Variants in DDX17 observed in about 807,000 individuals in gnomAD.
DDX17 encodes probable ATP-dependent RNA helicase DDX17.
In DDX17, 10 loss-of-function variants were observed where a neutral mutation model predicts 80.8. The observed-to-expected ratio is 0.12, with a 90% CI of 0.08 to 0.21. DDX17 has a LOEUF of 0.21. DDX17 is among the 10% of genes least tolerant of loss of function. The probability of loss-of-function intolerance (pLI) is 1.00; values close to 1 mark genes in which losing one functional copy is unlikely to be tolerated. For synonymous variants in DDX17, 339 were observed against 336.2 expected, an observed-to-expected ratio of 1.01 and a Z score of -0.09; for missense variants, 586 against 957.4, an observed-to-expected ratio of 0.61 and a Z score of 5.12.
chr22:38,497,026 G>A (rs1257865766), intron 5 of DDX17, among the ~76,000 whole-genome samples: 1 of 152,092 alleles, frequency 6.6e-6, no homozygotes, highest in Non-Finnish European at 1.5e-5. Context: ...TAGGCCGGGC[G>A]TGGTGGCTCA....
intron 11 of DDX17, chr22:38,491,849 A>C: frequency 2.3e-6 from 1 of 434,954 alleles, no homozygotes. Flanking sequence ...CTTTGAAAAT[A>C]AAAGGGGGGT....
intron 5 of DDX17, among the ~76,000 whole-genome samples, chr22:38,497,619 C>A (rs1244959383): frequency 8.1e-4 from 61 of 74,852 alleles, no homozygotes; most frequent in South Asian, 1.2e-3. Flanking sequence ...AATATATCTC[C>A]AAAAAAAAAA....
In DDX17 at chr22:38,491,637, G is replaced by C. The variant is rs191309792; in HGVS notation, c.1447+419C>G. The C allele has an allele frequency of 2.6e-3, 410 of 160,520 alleles. 2 individuals carry two copies. Among genetic ancestry groups the C allele is most frequent in the Middle Eastern group, 6.0e-3 (2 of 332 alleles). 9.9% of individuals were successfully genotyped at this position (160,520 alleles called of 1,614,324 possible). ...AACTGGACCTCTCTGTATATATCTA[G>C]CTTAGACAGGGATAGGGAAAAGAAT... On this transcript the variant is annotated intron_variant, in intron 11 of 12. Coordinates refer to ENST00000403230, the MANE Select transcript of DDX17 (RefSeq NM_006386.5).
chr22:38,495,429 T>C (rs2089752335), intron 6 of DDX17, among the ~76,000 whole-genome samples: 1 of 152,056 alleles, frequency 6.6e-6, no homozygotes, highest in Non-Finnish European at 1.5e-5. Context: ...GTATTTTTAG[T>C]AGAGACGGGG....
intron 10 of DDX17, 48 bp downstream of exon 10, chr22:38,493,662 T>C (rs773569994): frequency 7.0e-6 from 10 of 1,422,828 alleles, no homozygotes; most frequent in South Asian, 2.3e-5. Context: ...CATTCACTTA[T>C]GGGCAGGGGG....
intron 1 of DDX17, among the ~76,000 whole-genome samples, chr22:38,503,114 G>A (rs2089846656): frequency 6.6e-6 from 1 of 152,136 alleles, no homozygotes; most frequent in African/African-American, 2.4e-5. Flanking sequence ...AATCAGAACA[G>A]GAAGAGCACA....
chr22:38,504,137 CCT>C (rs1160608431), intron 1 of DDX17, among the ~76,000 whole-genome samples: 3 of 152,128 alleles, frequency 2.0e-5, no homozygotes, highest in Admixed American at 6.6e-5. Context: ...CAACTTTCAC[CCT>C]AATAACCACT....
chr22:38,505,691 C>T (rs918609067), intron 1 of DDX17: 2 of 452,010 alleles, frequency 4.4e-6, no homozygotes, highest in South Asian at 4.2e-5. Flanking sequence ...CGATCCCCCG[C>T]GGGGCTGGGA....
chr22:38,485,784 A>C lies in DDX17; in HGVS notation c.*151T>G. On this transcript the variant is annotated 3_prime_UTR_variant, in exon 13 of 13. Transcript: ENST00000403230. ...CAGTGAATTCTAACTAATCTGCATG[A>C]AAAGACAAATCACGATGGTTGGGGG... The C allele has an allele frequency of 8.2e-7, 1 of 1,219,430 alleles. No individual in the cohort carries two copies. The highest frequency in any genetic ancestry group is 1.1e-6 in the Non-Finnish European group (1 of 922,488). 75.5% of individuals were successfully genotyped at this position (1,219,430 alleles called of 1,614,324 possible). A position where few individuals can be genotyped will look rare whatever the true frequency, so the allele number is the denominator to read the frequency against.
At chr22:38,505,434 G>A (rs1466222430) in intron 1 of DDX17, 2 of 153,838 alleles carry the variant, frequency 1.3e-5, no homozygotes, top group African/African-American at 4.8e-5. Flanking sequence ...TTCTAAAAAT[G>A]AGAAGTTGGT....
At chr22:38,486,613 G>A (rs1449972867) in intron 12 of DDX17, among the ~76,000 whole-genome samples, 173 bp from the exon 13 acceptor site, 1 of 151,964 alleles carries the variant, frequency 6.6e-6, no homozygotes, top group Non-Finnish European at 1.5e-5. Flanking sequence ...TTCTTTAATG[G>A]GGCACATTCA....
At position 38,485,839 on chromosome 22, in the gene DDX17, GAAAAA is replaced by G. The variant is rs762776406; in HGVS notation, c.*91_*95del. ...AATTAAAAAAAAAAAAAGAAAAAAG[GAAAAA>G]AAAAGAAAAGGCGAAGAGGAAAAAA... On this transcript the variant is annotated 3_prime_UTR_variant, in exon 13 of 13. Transcript: ENST00000403230. 1 of 1,338,662 alleles carries G rather than the reference GAAAAA, an allele frequency of 7.5e-7. No individual in the cohort carries two copies. The highest frequency in any genetic ancestry group is 9.7e-7 in the Non-Finnish European group (1 of 1,027,430). 82.9% of individuals were successfully genotyped at this position (1,338,662 alleles called of 1,614,324 possible). A position where few individuals can be genotyped will look rare whatever the true frequency, so the allele number is the denominator to read the frequency against.
At chr22:38,502,153 G>A (rs1403617835) in intron 1 of DDX17, among the ~76,000 whole-genome samples, 1 of 152,240 alleles carries the variant, frequency 6.6e-6, no homozygotes, top group Non-Finnish European at 1.5e-5. Flanking sequence ...GCTCAGTCCT[G>A]TAATCCCAGC....
In DDX17 at chr22:38,505,937, T is replaced by C. The variant is rs2089878134; in HGVS notation, c.287+14A>G. ...CCCCCACGCCAGGCCTCTCCTCTCC[T>C]CCCCCACCCTTACCCTCCACGGTCA... On this transcript the variant is annotated intron_variant, in intron 1 of 12. Coordinates refer to ENST00000403230, the MANE Select transcript of DDX17 (RefSeq NM_006386.5). The C allele has an allele frequency of 1.5e-6, 2 of 1,322,258 alleles. No homozygotes were observed. The highest frequency in any genetic ancestry group is 1.6e-5 in the African/African-American group (1 of 61,936). 81.9% of individuals were successfully genotyped at this position (1,322,258 alleles called of 1,614,324 possible). A position where few individuals can be genotyped will look rare whatever the true frequency, so the allele number is the denominator to read the frequency against.
At chr22:38,504,142 T>C (rs762066923) in intron 1 of DDX17, among the ~76,000 whole-genome samples, 7 of 152,208 alleles carry the variant, frequency 4.6e-5, no homozygotes, top group Non-Finnish European at 2.9e-5. Context: ...TTCACCCTAA[T>C]AACCACTACC....
intron 4 of DDX17, 44 bp from the exon 5 acceptor site, chr22:38,498,194 AATCTTACTTAG>A (rs768481781): frequency 6.3e-7 from 1 of 1,589,542 alleles, no homozygotes; most frequent in South Asian, 1.1e-5. Context: ...TTAGAAGTAC[AATCTTACTTAG>A]ATACTTAGTA....
chr22:38,495,782 C>T lies in DDX17; in HGVS notation c.880+14G>A, dbSNP rs774291323. On this transcript the variant is annotated intron_variant, in intron 6 of 12. Coordinates refer to ENST00000403230, the MANE Select transcript of DDX17 (RefSeq NM_006386.5). ...AAGATAAACTAACAATTCTTTTACA[C>T]TATATATTATTACCTCTTTCCAAGT... 4 of 1,558,594 alleles carry T rather than the reference C, an allele frequency of 2.6e-6. No individual in the cohort carries two copies. Among genetic ancestry groups the T allele is most frequent in the African/African-American group, 2.8e-5 (2 of 72,582 alleles).
At chr22:38,498,005 G>C in intron 5 of DDX17, 80 bp downstream of exon 5, 4 of 1,354,892 alleles carry the variant, frequency 3.0e-6, no homozygotes, top group Non-Finnish European at 4.2e-6. Context: ...AGTACAAATG[G>C]ATAATGTAAA....
chr22:38,492,589 C>T (rs927794448), intron 10 of DDX17, among the ~76,000 whole-genome samples: 5 of 152,168 alleles, frequency 3.3e-5, no homozygotes, highest in Non-Finnish European at 4.4e-5. Flanking sequence ...CGGGTTCAAG[C>T]GATTCTCCTG....
Sources: allele counts gnomAD v4.1 joint callset (sites outside exome capture counted in the v4.1 genomes callset), GRCh38; gene constraint gnomAD v4.1.1; transcripts MANE v1.5; gene names NCBI Gene and HGNC (gene_info 2026-07-23, HGNC 2026-07-21).